Variants in PADI2 observed in about 807,000 individuals in gnomAD.
The protein encoded by PADI2 is peptidyl arginine deiminase 2.
Under a neutral mutation model 81.1 loss-of-function variants are expected in PADI2, and 70 were observed. That is an observed-to-expected ratio of 0.86 (90% CI 0.71 to 1.05). PADI2 has a LOEUF of 1.05. Ranked by LOEUF, PADI2 falls within the 50% of genes least tolerant of loss-of-function variation. The pLI is 0.00. For synonymous variants in PADI2, 338 were observed against 358.0 expected (o/e 0.94, Z 0.63); for missense variants, 853 against 889.9 (o/e 0.96, Z 0.53).
Position 17,095,916 on chromosome 1 carries a change from G to T in PADI2, c.404C>A (p.Pro135Gln), listed in dbSNP as rs1930906720. The change falls in exon 4 of 16, where the codon CCA becomes CAA. Residue 135 changes from proline (P) to glutamine (Q), a missense_variant. Pro to Gln is a moderately conservative substitution (Grantham distance 76, BLOSUM62 -1). Coordinates refer to ENST00000375486, the MANE Select transcript of PADI2 (RefSeq NM_007365.3). ...GCCCTGAAAGCTAGGTACCTTCTTT[G>T]GGTTGTTCTTCTCCACCACACCATC... ...DRDGVVEKNN[P>Q]KKASWTWGPE... The T allele has an allele frequency of 1.2e-6, 2 of 1,608,298 alleles. No homozygotes were observed. Among genetic ancestry groups the T allele is most frequent in the Admixed American group, 1.7e-5 (1 of 59,168 alleles).
chr1:17,111,791 G>A (rs547555789), intron 1 of PADI2, among the ~76,000 whole-genome samples: 162 of 152,320 alleles, frequency 1.1e-3, no homozygotes, highest in Middle Eastern at 6.8e-3. Flanking sequence ...CAACCACTGA[G>A]TTGGACAAGG....
chr1:17,095,049 T>C lies in PADI2; in HGVS notation c.411+860A>G, dbSNP rs143626564. On this transcript the variant is annotated intron_variant, in intron 4 of 15. Coordinates refer to ENST00000375486, the MANE Select transcript of PADI2 (RefSeq NM_007365.3). ...GCTTCTCATCAGGCTGTGTTTATTTTACTTCGTAAGTACCCCTCTATGTAT... is the reference window on the plus strand; with the variant it reads ...GCTTCTCATCAGGCTGTGTTTATTTCACTTCGTAAGTACCCCTCTATGTAT... Among the ~76,000 whole-genome samples the C allele has an allele frequency of 3.1e-3, 475 of 152,366 alleles. 2 individuals are homozygous for C. The highest frequency in any genetic ancestry group is 0.011 in the African/African-American group (455 of 41,586).
intron 1 of PADI2, among the ~76,000 whole-genome samples, chr1:17,108,647 G>A (rs1342925358): frequency 6.6e-6 from 1 of 152,074 alleles, no homozygotes; most frequent in Non-Finnish European, 1.5e-5. Flanking sequence ...GGAGAGGTGT[G>A]AGTACACACC....
At chr1:17,091,625 A>T (rs867242507) in intron 6 of PADI2, among the ~76,000 whole-genome samples, 5 of 151,906 alleles carry the variant, frequency 3.3e-5, no homozygotes, top group Middle Eastern at 3.2e-3. Context: ...CCCTCAGCTC[A>T]CGAGTGGCTG....
intron 10 of PADI2, among the ~76,000 whole-genome samples, chr1:17,081,570 C>T (rs1434045164): frequency 2.0e-5 from 3 of 152,150 alleles, no homozygotes; most frequent in South Asian, 4.1e-4. Flanking sequence ...GCAGCCCTGG[C>T]GTCTGACAGG....
At chr1:17,070,360 C>T in intron 14 of PADI2, 144 bp from the exon 15 acceptor site, 1 of 953,990 alleles carries the variant, frequency 1.0e-6, no homozygotes. Flanking sequence ...GCCTCTGCAG[C>T]CTCTCCCTGG....
intron 1 of PADI2, among the ~76,000 whole-genome samples, chr1:17,118,389 C>A (rs991838322): frequency 6.6e-6 from 1 of 152,142 alleles, no homozygotes; most frequent in Admixed American, 6.5e-5. Context: ...CCCAGCATAA[C>A]CCCACCCTTT....
At chr1:17,102,433 G>A (rs1044827462) in intron 3 of PADI2, among the ~76,000 whole-genome samples, 2 of 152,134 alleles carry the variant, frequency 1.3e-5, no homozygotes, top group East Asian at 3.9e-4. Flanking sequence ...GACTCAACTT[G>A]CCACCCAGTT....
At chr1:17,110,187 G>C (rs1397948593) in intron 1 of PADI2, among the ~76,000 whole-genome samples, 1 of 152,180 alleles carries the variant, frequency 6.6e-6, no homozygotes, top group Non-Finnish European at 1.5e-5. Context: ...GAGAGCCAGG[G>C]GCTTCAGGCA....
intron 4 of PADI2, among the ~76,000 whole-genome samples, chr1:17,094,925 A>T (rs893574843): frequency 2.0e-5 from 3 of 152,182 alleles, no homozygotes; most frequent in South Asian, 2.1e-4. Flanking sequence ...GGTCTCAGGC[A>T]AGCCTTGCTC....
rs779397644 is a variant in PADI2 at position 17,082,581 on chromosome 1, A to T, written c.1122T>A (p.Asp374Glu). 5.0e-6 allele frequency: 8 copies of T among 1,613,222 alleles called. No homozygotes were observed. In the East Asian group the frequency reaches 6.7e-5, roughly 13 times the overall value. ...GFPVVLDSPR[D>E]GNLKDFPVKE... ...TCACAGGGAAGTCCTTTAGGTTTCC[A>T]TCTCGGGGAGAGTCCAGCACCACGG... Residue 374 changes from aspartate to glutamate, a missense_variant, in exon 10 of 16, where the codon GAT becomes GAA. Coordinates refer to ENST00000375486, the MANE Select transcript of PADI2 (RefSeq NM_007365.3).
At chr1:17,098,563 C>T (rs1557768702) in intron 3 of PADI2, among the ~76,000 whole-genome samples, 1 of 152,188 alleles carries the variant, frequency 6.6e-6, no homozygotes. Context: ...CCTAAGGCAA[C>T]CTCTCTCATG....
intron 13 of PADI2, 46 bp from the exon 14 acceptor site, chr1:17,071,537 G>C (rs1017308021): frequency 6.9e-7 from 1 of 1,450,744 alleles, no homozygotes. Context: ...TAGATACCCA[G>C]GCTGAGTGTT....
Position 17,082,655 on chromosome 1 carries a change from G to A in PADI2, c.1051-3C>T. On this transcript the variant is annotated splice_region_variant and splice_polypyrimidine_tract_variant and intron_variant, in intron 9 of 15. Transcript: ENST00000375486. The stretch of plus-strand genomic sequence containing the variant: ...ATGTAGCCAAACTCAATTTCATCCT[G>A]CAGGGACACCAAGGAGAACTGTTAG... The A allele has an allele frequency of 6.3e-7, 1 of 1,576,902 alleles. No individual in the cohort carries two copies.
At chr1:17,076,217 CTT>C (rs113475157) in intron 11 of PADI2, among the ~76,000 whole-genome samples, 5 of 150,128 alleles carry the variant, frequency 3.3e-5, no homozygotes, top group Non-Finnish European at 5.9e-5. Context: ...TTACTTTAAT[CTT>C]TTTTTTTTCC....
At chr1:17,108,686 A>T (rs956588112) in intron 1 of PADI2, among the ~76,000 whole-genome samples, 5 of 152,280 alleles carry the variant, frequency 3.3e-5, no homozygotes, top group South Asian at 4.1e-4. Flanking sequence ...ACAGGGAGGA[A>T]CAATCTACAA....
intron 1 of PADI2, among the ~76,000 whole-genome samples, chr1:17,116,931 C>A (rs1038207403): frequency 2.0e-5 from 3 of 152,210 alleles, no homozygotes; most frequent in Non-Finnish European, 2.9e-5. Context: ...AGGCTTCCTT[C>A]CACTGGACCA....
intron 14 of PADI2, 34 bp downstream of exon 14, chr1:17,071,372 G>T: frequency 2.0e-6 from 3 of 1,503,888 alleles, no homozygotes; most frequent in Non-Finnish European, 1.9e-6. Flanking sequence ...CCTCCCAGGG[G>T]CCCTCTGGCC....
intron 3 of PADI2, among the ~76,000 whole-genome samples, chr1:17,101,183 A>G (rs1931129132): frequency 6.6e-6 from 1 of 152,176 alleles, no homozygotes; most frequent in Non-Finnish European, 1.5e-5. Flanking sequence ...GGACTCAGCC[A>G]TGCCGCCAAC....
Sources: allele counts gnomAD v4.1 joint callset (sites outside exome capture counted in the v4.1 genomes callset), GRCh38; gene constraint gnomAD v4.1.1; transcripts MANE v1.5; gene names NCBI Gene and HGNC (gene_info 2026-07-23, HGNC 2026-07-21).